Variants in SNAP91 observed in about 807,000 individuals in gnomAD.
The protein encoded by SNAP91 is clathrin coat assembly protein AP180.
A neutral mutation model predicts 100.3 loss-of-function variants in SNAP91; 27 were observed. That is an observed-to-expected ratio of 0.27 (90% confidence interval 0.20 to 0.37). SNAP91 has a LOEUF of 0.37. Among genes scored for constraint, SNAP91 ranks in the 10% least tolerant of loss-of-function variants. The pLI is 1.00. For synonymous variants in SNAP91, 404 were observed against 398.6 expected, an observed-to-expected ratio of 1.01 and a Z score of -0.16; for missense variants, 986 against 1,123.7, an observed-to-expected ratio of 0.88 and a Z score of 1.75.
intron 11 of SNAP91, among the ~76,000 whole-genome samples, chr6:83,612,693 T>C (rs370326450): frequency 1.3e-5 from 2 of 152,036 alleles, no homozygotes; most frequent in African/African-American, 2.4e-5. Flanking sequence ...CTGGCCAATA[T>C]GGCGAAACCC....
intron 16 of SNAP91, among the ~76,000 whole-genome samples, chr6:83,600,472 C>A (rs1275648339): frequency 6.6e-6 from 1 of 152,112 alleles, no homozygotes; most frequent in African/African-American, 2.4e-5. Flanking sequence ...ACTATAACAT[C>A]ACTTGACGTA....
At chr6:83,614,906 T>C in intron 10 of SNAP91, 44 bp from the exon 11 acceptor site, 1 of 1,517,478 alleles carries the variant, frequency 6.6e-7, no homozygotes, top group Non-Finnish European at 9.0e-7. Flanking sequence ...AAGAGAATAG[T>C]TAACTATTAT....
intron 2 of SNAP91, among the ~76,000 whole-genome samples, chr6:83,694,915 T>C (rs1324027550): frequency 1.3e-5 from 2 of 152,114 alleles, no homozygotes; most frequent in African/African-American, 2.4e-5. Context: ...ATCTTTCAAC[T>C]GACAGACAAT....
At chr6:83,578,335 A>G (rs906712693) in intron 24 of SNAP91, among the ~76,000 whole-genome samples, 2 of 152,136 alleles carry the variant, frequency 1.3e-5, no homozygotes, top group Admixed American at 6.5e-5. Flanking sequence ...TTTTACCAGC[A>G]ATGTCTGTGG....
At chr6:83,568,900 T>C (rs1160128279) in intron 26 of SNAP91, among the ~76,000 whole-genome samples, 1 of 152,208 alleles carries the variant, frequency 6.6e-6, no homozygotes, top group Non-Finnish European at 1.5e-5. Flanking sequence ...TGTCTCTAGC[T>C]TCTTTTCCTT....
chr6:83,632,579 C>T (rs942653035), intron 8 of SNAP91, among the ~76,000 whole-genome samples: 5 of 152,074 alleles, frequency 3.3e-5, no homozygotes, highest in African/African-American at 7.2e-5. Context: ...AGGCTTTGTT[C>T]GTATTTTCTT....
chr6:83,670,722 A>G lies in SNAP91; in HGVS notation c.131-5141T>C, dbSNP rs2128817858. 1.3e-5 allele frequency among the ~76,000 whole-genome samples: 2 copies of G among 151,790 alleles called. 1 individual carries two copies. Among genetic ancestry groups the G allele is most frequent in the South Asian group, 4.2e-4 (2 of 4,814 alleles). The stretch of plus-strand genomic sequence containing the variant: ...GGATGTTTCATTTTTCTGCATATGG[A>G]TATCAAATTTTTCCAATGCCATTTG... On this transcript the variant is annotated intron_variant, in intron 2 of 29. Coordinates refer to ENST00000369694, the MANE Select transcript of SNAP91 (RefSeq NM_001242792.2).
chr6:83,594,667 G>A, intron 16 of SNAP91, 186 bp from the exon 17 acceptor site: 1 of 502,102 alleles, frequency 2.0e-6, no homozygotes, highest in South Asian at 3.1e-5. Flanking sequence ...CTTCATGTTA[G>A]TTAACATGCA....
At chr6:83,615,803 T>C (rs1446833067) in intron 10 of SNAP91, among the ~76,000 whole-genome samples, 2 of 152,024 alleles carry the variant, frequency 1.3e-5, no homozygotes, top group Non-Finnish European at 1.5e-5. Context: ...AAAAGTAACA[T>C]CAAGACACAA....
chr6:83,689,990 T>A (rs1172847887), intron 2 of SNAP91, among the ~76,000 whole-genome samples: 2 of 152,146 alleles, frequency 1.3e-5, no homozygotes, highest in Non-Finnish European at 1.5e-5. Flanking sequence ...CTTTTTCTCA[T>A]TTTATAAATT....
chr6:83,610,865 T>A (rs1443168108), intron 11 of SNAP91, among the ~76,000 whole-genome samples, 188 bp from the exon 12 acceptor site: 1 of 151,098 alleles, frequency 6.6e-6, no homozygotes, highest in East Asian at 1.9e-4. Context: ...AAAAAACTTT[T>A]AATCTTTTAC....
intron 22 of SNAP91, among the ~76,000 whole-genome samples, chr6:83,586,667 C>T (rs955950373): frequency 6.6e-6 from 1 of 152,104 alleles, no homozygotes; most frequent in African/African-American, 2.4e-5. Context: ...GAAATATTTA[C>T]TTTTATTATT....
rs748415270 is a variant in SNAP91, at chr6:83,560,093, A to C, written c.2631+11T>G. On this transcript the variant is annotated intron_variant, in intron 28 of 29. Transcript: ENST00000369694. The stretch of plus-strand genomic sequence containing the variant: ...TAATGTCACTGATTTGTGGACATTG[A>C]AGAAACTGACCTGCGTGCCAGGTAC... The C allele has an allele frequency of 1.2e-6, 2 of 1,608,964 alleles. No individual in the cohort carries two copies. The highest frequency in any genetic ancestry group is 1.7e-6 in the Non-Finnish European group (2 of 1,175,392).
At chr6:83,650,461 C>A (rs1585620081) in intron 7 of SNAP91, among the ~76,000 whole-genome samples, 2 of 152,254 alleles carry the variant, frequency 1.3e-5, no homozygotes, top group East Asian at 3.9e-4. Context: ...CTCTGTTGCC[C>A]AGGCTGGAGT....
At chr6:83,569,911 C>T (rs545823615) in intron 26 of SNAP91, among the ~76,000 whole-genome samples, 2 of 152,268 alleles carry the variant, frequency 1.3e-5, no homozygotes, top group Admixed American at 6.5e-5. Context: ...GTTCATGAAA[C>T]CTTTTTTTTT....
At chr6:83,652,993 C>T (rs2098268150) in intron 7 of SNAP91, among the ~76,000 whole-genome samples, 1 of 152,136 alleles carries the variant, frequency 6.6e-6, no homozygotes, top group Non-Finnish European at 1.5e-5. Context: ...AAGGTGTTTT[C>T]TCCCTCTGGC....
chr6:83,705,801 T>C (rs1283740628), intron 2 of SNAP91, among the ~76,000 whole-genome samples: 1 of 150,880 alleles, frequency 6.6e-6, no homozygotes, highest in African/African-American at 2.4e-5. Context: ...TGAGACTCCA[T>C]CTCACAAAGA....
intron 29 of SNAP91, among the ~76,000 whole-genome samples, chr6:83,555,193 T>C (rs1381038631): frequency 2.6e-5 from 4 of 151,570 alleles, no homozygotes; most frequent in African/African-American, 7.3e-5. Context: ...TGTTAATACC[T>C]TAGAATAATG....
intron 7 of SNAP91, among the ~76,000 whole-genome samples, chr6:83,649,322 A>G (rs1460500546): frequency 6.6e-6 from 1 of 152,150 alleles, no homozygotes; most frequent in Non-Finnish European, 1.5e-5. Flanking sequence ...GCTCACTCAC[A>G]TACCTGTTGA....
Sources: allele counts gnomAD v4.1 joint callset (sites outside exome capture counted in the v4.1 genomes callset), GRCh38; gene constraint gnomAD v4.1.1; transcripts MANE v1.5; gene names NCBI Gene and HGNC (gene_info 2026-07-23, HGNC 2026-07-21).